Variants in TIAM2 observed in about 807,000 individuals in gnomAD.
The protein encoded by TIAM2 is TIAM Rac1 associated GEF 2.
A neutral mutation model predicts 152.9 loss-of-function variants in TIAM2; 80 were observed. That is an observed-to-expected ratio of 0.52 (90% confidence interval 0.44 to 0.63). TIAM2 has a LOEUF of 0.63. Among genes scored for constraint, TIAM2 ranks in the 30% least tolerant of loss-of-function variants. The pLI, the probability that TIAM2 is intolerant of heterozygous loss-of-function variation, is 0.00. For missense variants in TIAM2, 1,965 were observed against 2,120.1 expected, an observed-to-expected ratio of 0.93 and a Z score of 1.44; for synonymous variants, 804 against 838.0, an observed-to-expected ratio of 0.96 and a Z score of 0.70.
intron 1 of TIAM2, among the ~76,000 whole-genome samples, chr6:155,053,787 G>A (rs1777377479): frequency 6.6e-6 from 1 of 152,120 alleles, no homozygotes; most frequent in Non-Finnish European, 1.5e-5. Flanking sequence ...ACACCCTTTT[G>A]ATTATGATTT....
chr6:155,117,081 C>T (rs1410158113), intron 2 of TIAM2, among the ~76,000 whole-genome samples: 1 of 137,760 alleles, frequency 7.3e-6, no homozygotes, highest in Non-Finnish European at 1.6e-5. Context: ...TTTCAAAGAG[C>T]CGTGGTGAGA....
intron 14 of TIAM2, among the ~76,000 whole-genome samples, chr6:155,196,830 T>C (rs984684668): frequency 5.3e-5 from 8 of 152,274 alleles, no homozygotes; most frequent in Non-Finnish European, 1.2e-4. Context: ...CATACTCAGC[T>C]ATGATTATTT....
chr6:155,143,754 A>T (rs759289576), intron 5 of TIAM2, among the ~76,000 whole-genome samples: 3 of 152,138 alleles, frequency 2.0e-5, no homozygotes, highest in Non-Finnish European at 2.9e-5. Flanking sequence ...GCCTGAGTTC[A>T]CATCCCTGCT....
intron 15 of TIAM2, among the ~76,000 whole-genome samples, chr6:155,221,790 T>C (rs1451378534): frequency 6.6e-6 from 1 of 152,122 alleles, no homozygotes; most frequent in Non-Finnish European, 1.5e-5. Flanking sequence ...TCCAGATCTT[T>C]ATTTCCTTTC....
chr6:155,057,541 C>CTTTTTTTTTTTTTTTTTTTTTTT (rs71023613), intron 1 of TIAM2, among the ~76,000 whole-genome samples: 1 of 80,072 alleles, frequency 1.2e-5, no homozygotes, highest in Non-Finnish European at 2.2e-5. Context: ...CCATAATGTA[C>CTTTTTTTTTTTTTTTTTTTTTTT]TTTTTTTTTT....
At chr6:155,044,278 A>G (rs9371850) in intron 1 of TIAM2, among the ~76,000 whole-genome samples, 65,858 of 151,940 alleles carry the variant, frequency 0.43, 15,065 homozygotes, top group Non-Finnish European at 0.51. Flanking sequence ...GTTCTCATTC[A>G]CGATTTGGTT....
intron 1 of TIAM2, among the ~76,000 whole-genome samples, chr6:155,023,160 T>G (rs1016360726): frequency 1.3e-5 from 2 of 152,146 alleles, no homozygotes; most frequent in Admixed American, 1.3e-4. Flanking sequence ...ATATCTGAGT[T>G]TGACTTGGAT....
chr6:155,015,894 A>G (rs2114854124), intron 1 of TIAM2, among the ~76,000 whole-genome samples: 1 of 144,090 alleles, frequency 6.9e-6, no homozygotes, highest in South Asian at 2.3e-4. Context: ...CCAAGATGGC[A>G]CCACTACACT....
intron 2 of TIAM2, among the ~76,000 whole-genome samples, chr6:155,097,867 C>T (rs745309883): frequency 3.3e-5 from 5 of 152,138 alleles, no homozygotes; most frequent in Non-Finnish European, 7.4e-5. Context: ...TTTTATTCTT[C>T]TGCCTATAGT....
In TIAM2 at chr6:155,184,240, C is replaced by T. The variant is rs572869873; in HGVS notation, c.3064+740C>T. Among the ~76,000 whole-genome samples, 14 of 152,298 alleles carry T rather than the reference C, an allele frequency of 9.2e-5. No homozygotes were observed. In the East Asian group the frequency reaches 9.7e-4, roughly 11 times the overall value. On this transcript the variant is annotated intron_variant, in intron 14 of 26. Coordinates refer to ENST00000682666, the MANE Select transcript of TIAM2 (RefSeq NM_012454.4). ...CTGACCTCAGGTGATCTACCCGCCTCGGTCTCCCAGAGTGCTGGGATTACA... is the reference window on the plus strand; with the variant it reads ...CTGACCTCAGGTGATCTACCCGCCTTGGTCTCCCAGAGTGCTGGGATTACA...
At chr6:155,109,216 C>T (rs1027442674) in intron 2 of TIAM2, among the ~76,000 whole-genome samples, 9 of 152,164 alleles carry the variant, frequency 5.9e-5, no homozygotes, top group Admixed American at 2.0e-4. Context: ...GATCTCCTGA[C>T]GTCATGATCC....
intron 2 of TIAM2, among the ~76,000 whole-genome samples, chr6:155,109,029 G>A (rs1253726007): frequency 6.6e-6 from 1 of 152,018 alleles, no homozygotes; most frequent in East Asian, 1.9e-4. Flanking sequence ...TGTCGCCCAG[G>A]CTGGAGTGCA....
rs1370251555 is a variant in TIAM2, at chr6:155,029,621, GTATATAACTATATATAGT to G, written c.-209+34147_-209+34164del. Among the ~76,000 whole-genome samples the G allele has an allele frequency of 5.9e-4, 43 of 73,334 alleles. 1 individual carries two copies. The highest frequency in any genetic ancestry group is 2.2e-3 in the African/African-American group (38 of 17,318). The allele number at this position is 73,334 out of a possible 152,430, so 48.1% of individuals were successfully genotyped here. A position where few individuals can be genotyped will look rare whatever the true frequency, so the allele number is the denominator to read the frequency against. On this transcript the variant is annotated intron_variant, in intron 1 of 26. Transcript: ENST00000682666. ...TATAGTTATATAACTCTGTATATAT[GTATATAACTATATATAGT>G]TATATAACTATATATAGAGTTATAT...
chr6:154,996,615 G>GT (rs1208839921), intron 1 of TIAM2, among the ~76,000 whole-genome samples: 1 of 152,162 alleles, frequency 6.6e-6, no homozygotes, highest in Non-Finnish European at 1.5e-5. Context: ...ATCTTACCAA[G>GT]TTTCGTACAG....
intron 15 of TIAM2, among the ~76,000 whole-genome samples, chr6:155,238,357 A>G (rs1782874675): frequency 6.6e-6 from 1 of 152,008 alleles, no homozygotes. Flanking sequence ...ACTTTTCCAC[A>G]CTTTCCTGTC....
chr6:155,204,363 G>A (rs1781547144), intron 14 of TIAM2, among the ~76,000 whole-genome samples: 1 of 151,910 alleles, frequency 6.6e-6, no homozygotes, highest in Non-Finnish European at 1.5e-5. Flanking sequence ...TTGGTCTCTG[G>A]TGAAGCTTGG....
chr6:155,017,283 T>A (rs1244329462), intron 1 of TIAM2, among the ~76,000 whole-genome samples: 7 of 151,792 alleles, frequency 4.6e-5, no homozygotes, highest in Non-Finnish European at 1.0e-4. Context: ...GGTAATGACG[T>A]GATTGTGGAA....
intron 2 of TIAM2, among the ~76,000 whole-genome samples, chr6:155,103,712 A>G (rs1267571005): frequency 1.6e-5 from 2 of 124,254 alleles, no homozygotes; most frequent in African/African-American, 6.8e-5. Flanking sequence ...CAACAGAGTG[A>G]GACTCTGTCT....
chr6:155,039,022 G>A (rs759174594), intron 1 of TIAM2, among the ~76,000 whole-genome samples: 27 of 142,608 alleles, frequency 1.9e-4, no homozygotes, highest in Non-Finnish European at 3.0e-4. Context: ...GTGTAGTGGC[G>A]TGATTTTGGC....
Sources: gnomAD v4.1 joint callset for allele counts (sites outside exome capture counted in the v4.1 genomes callset) on GRCh38, gnomAD v4.1.1 for gene constraint, MANE v1.5 for transcripts, NCBI Gene and HGNC (gene_info 2026-07-23, HGNC 2026-07-21) for gene names.